Variants in SESTD1 observed in about 807,000 individuals in gnomAD.
The protein encoded by SESTD1 is SEC14 domain and spectrin repeat-containing protein 1.
In SESTD1, 43 loss-of-function variants were observed where a neutral mutation model predicts 101.7. That is an observed-to-expected ratio of 0.42 (90% CI 0.33 to 0.55). The LOEUF is 0.55. Among genes scored for constraint, SESTD1 ranks in the 20% least tolerant of loss-of-function variants. SESTD1 has a pLI of 0.07. For missense variants in SESTD1, 647 were observed against 815.1 expected, an observed-to-expected ratio of 0.79 and a Z score of 2.51; for synonymous variants, 283 against 286.8, an observed-to-expected ratio of 0.99 and a Z score of 0.13.
Position 179,123,848 on chromosome 2 carries a change from A to G in SESTD1, c.1168-19T>C, listed in dbSNP as rs2044808026. The G allele has an allele frequency of 1.3e-6, 2 of 1,562,908 alleles. No individual in the cohort carries two copies. On this transcript the variant is annotated intron_variant, in intron 11 of 17. Coordinates refer to ENST00000428443, the MANE Select transcript of SESTD1 (RefSeq NM_178123.5). ...GAGACAACTAAAGCAGAGGGACACC[A>G]AAGAGATAACCCTGATGTAATCAGC...
intron 1 of SESTD1, among the ~76,000 whole-genome samples, chr2:179,255,183 T>C (rs567585010): frequency 1.2e-4 from 18 of 152,324 alleles, no homozygotes; most frequent in African/African-American, 3.8e-4. Context: ...TCAATAATCC[T>C]ACAATGGCCT....
intron 13 of SESTD1, among the ~76,000 whole-genome samples, chr2:179,119,467 C>G (rs1308222107): frequency 6.6e-6 from 1 of 152,148 alleles, no homozygotes; most frequent in African/African-American, 2.4e-5. Flanking sequence ...GGATTTGTGT[C>G]CCCACTTAAA....
chr2:179,195,857 A>T (rs536070889), intron 1 of SESTD1, among the ~76,000 whole-genome samples: 2 of 152,252 alleles, frequency 1.3e-5, no homozygotes, highest in Non-Finnish European at 2.9e-5. Context: ...TTTAAAAAAA[A>T]AAAAAGACTT....
intron 5 of SESTD1, among the ~76,000 whole-genome samples, chr2:179,168,221 C>T (rs1021014803): frequency 7.9e-5 from 12 of 152,038 alleles, no homozygotes; most frequent in African/African-American, 2.7e-4. Context: ...AGAATGGAGA[C>T]CTTTATGATG....
At chr2:179,122,928 T>G (rs2044786482) in intron 12 of SESTD1, among the ~76,000 whole-genome samples, 1 of 152,176 alleles carries the variant, frequency 6.6e-6, no homozygotes, top group South Asian at 2.1e-4. Context: ...TGTAAGCAAG[T>G]AAAATGTCAG....
At chr2:179,249,596 T>C (rs2047285142) in intron 1 of SESTD1, among the ~76,000 whole-genome samples, 1 of 152,204 alleles carries the variant, frequency 6.6e-6, no homozygotes, top group Non-Finnish European at 1.5e-5. Context: ...TCTGAATTTA[T>C]ATGAGTTAAA....
intron 8 of SESTD1, among the ~76,000 whole-genome samples, chr2:179,145,772 G>C (rs1559112476): frequency 6.6e-6 from 1 of 152,060 alleles, no homozygotes; most frequent in Non-Finnish European, 1.5e-5. Flanking sequence ...AGTCATTTTG[G>C]CTTCCTGCAG....
chr2:179,197,478 G>A (rs966504198), intron 1 of SESTD1, among the ~76,000 whole-genome samples: 5 of 152,052 alleles, frequency 3.3e-5, no homozygotes, highest in African/African-American at 4.8e-5. Flanking sequence ...GATACTCTTC[G>A]AGAAGAGCAA....
intron 1 of SESTD1, among the ~76,000 whole-genome samples, chr2:179,225,409 T>C (rs1205171038): frequency 1.3e-5 from 2 of 152,184 alleles, no homozygotes; most frequent in Admixed American, 6.5e-5. Context: ...TTAAATATAA[T>C]TATTCATTTT....
At chr2:179,124,320 T>G in intron 11 of SESTD1, 44 bp downstream of exon 11, 1 of 1,564,858 alleles carries the variant, frequency 6.4e-7, no homozygotes, top group Non-Finnish European at 8.7e-7. Flanking sequence ...AGGTAAGTGT[T>G]CAGATAATTT....
intron 9 of SESTD1, among the ~76,000 whole-genome samples, chr2:179,138,043 C>CA (rs2045193445): frequency 1.3e-5 from 2 of 152,028 alleles, no homozygotes; most frequent in Non-Finnish European, 2.9e-5. Flanking sequence ...CTGTGAAAAA[C>CA]AGAGTACAGA....
At chr2:179,124,593 C>G in intron 10 of SESTD1, 35 bp from the exon 11 acceptor site, 1 of 1,507,236 alleles carries the variant, frequency 6.6e-7, no homozygotes, top group Non-Finnish European at 9.2e-7. Flanking sequence ...AACTAAGGCT[C>G]AAATTAGTTC....
chr2:179,132,405 G>T lies in SESTD1; in HGVS notation c.871C>A (p.Pro291Thr), dbSNP rs1575431696. 6.4e-7 allele frequency: 1 copy of T among 1,557,806 alleles called. No homozygotes were observed. The highest frequency in any genetic ancestry group is 8.6e-7 in the Non-Finnish European group (1 of 1,161,632). Residue 291 changes from proline (P) to threonine (T), a missense_variant, in exon 10 of 18, where the codon CCT becomes ACT. Around this residue, in one of 3 missense-constraint regions of SESTD1, gnomAD observed 476 missense variants for 562.6 expected, o/e 0.85. Coordinates refer to ENST00000428443, the MANE Select transcript of SESTD1 (RefSeq NM_178123.5). Reference protein sequence around the residue: ...VMQVVNWLEGPGSEQLRAQWG... With the variant: ...VMQVVNWLEGTGSEQLRAQWG... ...TGGGCTCTTAGTTGTTCTGATCCAG[G>T]CCCTTCTAGCCAGTTCACCACCTAT... is the stretch of plus-strand genomic sequence containing the variant.
intron 9 of SESTD1, among the ~76,000 whole-genome samples, chr2:179,141,384 T>C (rs2045271195): frequency 6.6e-6 from 1 of 152,202 alleles, no homozygotes. Flanking sequence ...TGTTGGCACC[T>C]GGCATAGCTG....
At chr2:179,261,328 C>T (rs1455100801) in intron 1 of SESTD1, among the ~76,000 whole-genome samples, 1 of 152,032 alleles carries the variant, frequency 6.6e-6, no homozygotes, top group Admixed American at 6.6e-5. Flanking sequence ...TTCACAAACA[C>T]AATTTAATTT....
chr2:179,125,073 C>A (rs1202093762), intron 10 of SESTD1, among the ~76,000 whole-genome samples: 2 of 152,178 alleles, frequency 1.3e-5, no homozygotes, highest in Non-Finnish European at 2.9e-5. Flanking sequence ...CCACCACCAT[C>A]CTGAACCTCC....
chr2:179,251,853 G>A (rs549674812), intron 1 of SESTD1, among the ~76,000 whole-genome samples: 4 of 152,184 alleles, frequency 2.6e-5, no homozygotes, highest in Non-Finnish European at 2.9e-5. Flanking sequence ...AAAATCTGCC[G>A]TGCTTGGATC....
At chr2:179,110,745 T>A (rs773346286) in intron 17 of SESTD1, among the ~76,000 whole-genome samples, 2 of 152,156 alleles carry the variant, frequency 1.3e-5, no homozygotes, top group South Asian at 4.1e-4. Flanking sequence ...TCAAACAAAC[T>A]ATACATGGCA....
At chr2:179,120,702 C>T (rs910968345) in intron 13 of SESTD1, among the ~76,000 whole-genome samples, 29 of 148,262 alleles carry the variant, frequency 2.0e-4, no homozygotes, top group African/African-American at 7.7e-4. Flanking sequence ...AAGAGCAACA[C>T]TGAATGAAAT....
Sources: allele counts gnomAD v4.1 joint callset (sites outside exome capture counted in the v4.1 genomes callset), GRCh38; gene constraint gnomAD v4.1.1; regional missense constraint gnomAD v4.1.1; transcripts MANE v1.5; gene names NCBI Gene and HGNC (gene_info 2026-07-23, HGNC 2026-07-21).